The following ATXN1 variants were observed in gnomAD, a reference collection of about 807,000 sequenced individuals.
ATXN1 encodes the protein ataxin 1, also known as ataxin-1.
In ATXN1, 8 loss-of-function variants were observed where a neutral mutation model predicts 56.4. That is an observed-to-expected ratio of 0.14 (90% CI 0.08 to 0.26). The LOEUF (loss-of-function observed/expected upper bound fraction) is 0.26. ATXN1 is among the 10% of genes least tolerant of loss of function. The pLI, the probability that ATXN1 is intolerant of heterozygous loss-of-function variation, is 1.00. For synonymous variants in ATXN1, 514 were observed against 494.6 expected, an observed-to-expected ratio of 1.04 and a Z score of -0.52; for missense variants, 987 against 1,106.5, an observed-to-expected ratio of 0.89 and a Z score of 1.53.
intron 6 of ATXN1, among the ~76,000 whole-genome samples, chr6:16,472,076 C>T (rs954474385): frequency 9.2e-5 from 14 of 152,156 alleles, no homozygotes; most frequent in African/African-American, 3.1e-4. Context: ...GGTTACAGCG[C>T]TTAAGGTAAC....
intron 3 of ATXN1, among the ~76,000 whole-genome samples, chr6:16,602,696 C>A (rs556985585): frequency 1.3e-5 from 2 of 152,140 alleles, no homozygotes; most frequent in Non-Finnish European, 2.9e-5. Context: ...ATGAACCACC[C>A]GCTTCGGCCT....
chr6:16,642,116 A>G (rs1277366372), intron 3 of ATXN1, among the ~76,000 whole-genome samples: 4 of 152,228 alleles, frequency 2.6e-5, no homozygotes, highest in African/African-American at 4.8e-5. Flanking sequence ...GGCCGGGCAC[A>G]GTGGCTCACG....
intron 5 of ATXN1, among the ~76,000 whole-genome samples, chr6:16,490,134 C>CA (rs36120552): frequency 2.4e-4 from 32 of 134,256 alleles, no homozygotes; most frequent in African/African-American, 3.3e-4. Context: ...GACAAATGAC[C>CA]AAAAAAAAAA....
At chr6:16,503,196 T>G (rs1760916117) in intron 5 of ATXN1, among the ~76,000 whole-genome samples, 1 of 152,188 alleles carries the variant, frequency 6.6e-6, no homozygotes, top group South Asian at 2.1e-4. Context: ...TCCTCATCCA[T>G]CACCACCAAG....
At chr6:16,663,692 T>C (rs1415719133) in intron 2 of ATXN1, among the ~76,000 whole-genome samples, 1 of 151,522 alleles carries the variant, frequency 6.6e-6, no homozygotes, top group Non-Finnish European at 1.5e-5. Flanking sequence ...AGAGACAGGG[T>C]CTTGCTCTGT....
At chr6:16,629,245 A>G (rs532721611) in intron 3 of ATXN1, among the ~76,000 whole-genome samples, 109 of 152,186 alleles carry the variant, frequency 7.2e-4, no homozygotes, top group Non-Finnish European at 2.8e-4. Context: ...GCTGCTTTTC[A>G]TATTCTTATT....
chr6:16,754,943 G>A (rs1251495332), intron 1 of ATXN1, among the ~76,000 whole-genome samples: 2 of 152,190 alleles, frequency 1.3e-5, no homozygotes, highest in African/African-American at 4.8e-5. Context: ...GGATCATGAT[G>A]TCATCTCAAA....
chr6:16,326,507 C>T lies in ATXN1; in HGVS notation c.1804G>A (p.Ala602Thr). ...DLKTEDFIQS[A>T]EISNDLKIDS... Reference sequence around the variant, plus strand: ...ATCTTCAGGTCGTTGCTTATCTCTGCACTCTGGATGAAATCTTCTGTTTTT... The same window carrying T: ...ATCTTCAGGTCGTTGCTTATCTCTGTACTCTGGATGAAATCTTCTGTTTTT... Residue 602 changes from alanine to threonine, a missense_variant, in exon 7 of 8, where the codon GCA (alanine) becomes ACA (threonine). Physicochemically the swap from Ala to Thr is moderately conservative, Grantham distance 58. Transcript: ENST00000436367. This position sits in a 1 kb window ranked among gnomAD's most constrained non-coding sequence, Gnocchi z 6.6. 2.5e-6 allele frequency: 4 copies of T among 1,614,198 alleles called. No individual in the cohort carries two copies. The highest frequency in any genetic ancestry group is 1.1e-5 in the South Asian group (1 of 91,084).
intron 6 of ATXN1, among the ~76,000 whole-genome samples, chr6:16,373,999 A>G (rs1762097430): frequency 6.6e-6 from 1 of 152,192 alleles, no homozygotes; most frequent in South Asian, 2.1e-4. Flanking sequence ...GTAAATAGGC[A>G]CATGTTACAT....
In ATXN1 at chr6:16,753,308, G is replaced by C. The variant is rs756537828; in HGVS notation, c.-690C>G. On this transcript the variant is annotated 5_prime_UTR_variant, in exon 2 of 8. Transcript: ENST00000436367. ...TACAAGGATGACAAACAAATCTGCA[G>C]CTTGAATGGACCACCCTGGTGACTT... 2.5e-4 allele frequency: 112 copies of C among 456,932 alleles called. No individual in the cohort carries two copies. The highest frequency in any genetic ancestry group is 1.5e-4 in the Non-Finnish European group (33 of 227,026). The allele number at this position is 456,932 out of a possible 1,614,324, so 28.3% of individuals were successfully genotyped here.
Position 16,301,350 on chromosome 6 carries a change from A to T in ATXN1, c.*4979T>A, listed in dbSNP as rs1287382439. 1 of 152,616 alleles carries T rather than the reference A, an allele frequency of 6.6e-6. No individual in the cohort carries two copies. The highest frequency in any genetic ancestry group is 1.5e-5 in the Non-Finnish European group (1 of 68,030). 9.5% of individuals were successfully genotyped at this position (152,616 alleles called of 1,614,324 possible). A position where few individuals can be genotyped will look rare whatever the true frequency, so the allele number is the denominator to read the frequency against. ...AAGGTAACGTATTTGAAGCGAGGTCATCTATGTAAAAGAAATCTCAGCTCC... is the reference window on the plus strand; with the variant it reads ...AAGGTAACGTATTTGAAGCGAGGTCTTCTATGTAAAAGAAATCTCAGCTCC... On this transcript the variant is annotated 3_prime_UTR_variant, in exon 8 of 8. Transcript: ENST00000436367.
chr6:16,396,014 A>C (rs1247604943), intron 6 of ATXN1, among the ~76,000 whole-genome samples: 1 of 54,474 alleles, frequency 1.8e-5, no homozygotes, highest in African/African-American at 7.8e-5. Flanking sequence ...ACTCCGTCTC[A>C]AAAAAAAAAA....
chr6:16,646,985 GT>G (rs1249824394), intron 3 of ATXN1, among the ~76,000 whole-genome samples: 5 of 151,892 alleles, frequency 3.3e-5, no homozygotes, highest in African/African-American at 9.7e-5. Context: ...ACTCATTTAG[GT>G]TTTTTTGTTT....
At chr6:16,459,277 C>T (rs190351737) in intron 6 of ATXN1, among the ~76,000 whole-genome samples, 166 of 152,232 alleles carry the variant, frequency 1.1e-3, no homozygotes, top group African/African-American at 3.6e-3. Flanking sequence ...AAGGACAATT[C>T]GGAAAGGCAA....
At chr6:16,479,776 A>T (rs1561717978) in intron 6 of ATXN1, among the ~76,000 whole-genome samples, 1 of 152,224 alleles carries the variant, frequency 6.6e-6, no homozygotes, top group Non-Finnish European at 1.5e-5. Flanking sequence ...TACAAAGTTC[A>T]GTTGGAAACA....
chr6:16,507,679 A>G (rs1761006366), intron 5 of ATXN1, among the ~76,000 whole-genome samples: 1 of 152,242 alleles, frequency 6.6e-6, no homozygotes, highest in South Asian at 2.1e-4. Context: ...TCTCTTAAAT[A>G]AAGTAGTCTT....
chr6:16,316,807 T>C (rs548204877), intron 7 of ATXN1, among the ~76,000 whole-genome samples: 1 of 147,762 alleles, frequency 6.8e-6, no homozygotes, highest in Non-Finnish European at 1.5e-5. Context: ...GCCTTCTGTA[T>C]GGAAAAACAT....
chr6:16,446,367 A>G (rs879794567), intron 6 of ATXN1, among the ~76,000 whole-genome samples: 23 of 152,232 alleles, frequency 1.5e-4, no homozygotes, highest in Admixed American at 5.2e-4. Context: ...TCTATAACAC[A>G]AAGTTAAAGT....
rs145569331 is a variant in ATXN1 at position 16,492,997 on chromosome 6, C to T, written c.-298-6888G>A. On this transcript the variant is annotated intron_variant, in intron 5 of 7. Transcript: ENST00000436367. ...CATCGGTTTCCAAGTCCTACCAATT[C>T]TGCACCCTTTCTATCTTCACCGCCC... is the stretch of plus-strand genomic sequence containing the variant. Among the ~76,000 whole-genome samples the T allele has an allele frequency of 6.6e-5, 10 of 152,300 alleles. No individual in the cohort carries two copies. In the East Asian group the frequency reaches 1.9e-3, roughly 29 times the overall value.
Sources: gnomAD v4.1 joint callset for allele counts (sites outside exome capture counted in the v4.1 genomes callset) on GRCh38, gnomAD v4.1.1 for gene constraint, Gnocchi (gnomAD v3.1) non-coding constraint, MANE v1.5 for transcripts, NCBI Gene and HGNC (gene_info 2026-07-23, HGNC 2026-07-21) for gene names.